Variants in OTOGL observed in about 807,000 individuals in gnomAD.
OTOGL encodes the protein otogelin like.
Under a neutral mutation model 318.5 loss-of-function variants are expected in OTOGL, and 285 were observed. That is an observed-to-expected ratio of 0.89 (90% CI 0.81 to 0.99). The LOEUF (loss-of-function observed/expected upper bound fraction) is 0.99. OTOGL is among the 50% of genes least tolerant of loss of function. OTOGL has a pLI of 0.00. For synonymous variants in OTOGL, 987 were observed against 936.5 expected, an observed-to-expected ratio of 1.05 and a Z score of -0.99; for missense variants, 2,899 against 2,845.6, an observed-to-expected ratio of 1.02 and a Z score of -0.43.
At chr12:80,134,289 T>G (rs1320877153) in intron 1 of OTOGL, among the ~76,000 whole-genome samples, 1 of 152,200 alleles carries the variant, frequency 6.6e-6, no homozygotes, top group East Asian at 1.9e-4. Flanking sequence ...TTTAGCAAAA[T>G]TCTATGCATC....
chr12:80,255,042 C>G lies in OTOGL; in HGVS notation c.1444C>G (p.Gln482Glu). 7.0e-7 allele frequency: 1 copy of G among 1,422,490 alleles called. No homozygotes were observed. The highest frequency in any genetic ancestry group is 1.9e-4 in the Middle Eastern group (1 of 5,370). The allele number at this position is 1,422,490 out of a possible 1,614,324, so 88.1% of individuals were successfully genotyped here. The change falls in exon 16 of 59, where the codon CAA (glutamine) becomes GAA (glutamate). Residue 482 changes from glutamine to glutamate, a missense_variant and splice_region_variant. Gln to Glu is a conservative substitution (Grantham distance 29). Around this residue, in one of 3 missense-constraint regions of OTOGL, gnomAD observed 2,607 missense variants for 2,524.9 expected, o/e 1.03. Transcript: ENST00000547103. ...WNCTEQDCPV[Q>E]CSVVGDSHFT... is the part of the protein sequence containing the mutation. ...TGTTTTCTTTTTTTTTTTGGCAGTTCAATGCTCAGTTGTAGGTGATTCTCA... is the reference window on the plus strand; with the variant it reads ...TGTTTTCTTTTTTTTTTTGGCAGTTGAATGCTCAGTTGTAGGTGATTCTCA...
At chr12:80,341,875 A>G in intron 43 of OTOGL, 73 bp from the exon 44 acceptor site, 1 of 983,554 alleles carries the variant, frequency 1.0e-6, no homozygotes, top group Non-Finnish European at 1.5e-6. Context: ...AAAATCAATT[A>G]TTTAACTGAT....
At position 80,380,194 on chromosome 12, in the gene OTOGL, G is replaced by A. The variant is rs1292776466; in HGVS notation, c.*2146G>A. On this transcript the variant is annotated 3_prime_UTR_variant, in exon 59 of 59. Transcript: ENST00000547103. ...AAGATAGGAGTTACAAAAGAAAATA[G>A]GGAAGAAATCTTAGATTGGGGAGAG... 6.6e-6 allele frequency: 1 copy of A among 152,028 alleles called. No individual in the cohort carries two copies. The highest frequency in any genetic ancestry group is 1.5e-5 in the Non-Finnish European group (1 of 67,888). The allele number at this position is 152,028 out of a possible 1,614,324, so 9.4% of individuals were successfully genotyped here.
chr12:80,234,956 T>A (rs1197746327), intron 9 of OTOGL, among the ~76,000 whole-genome samples: 2 of 152,182 alleles, frequency 1.3e-5, no homozygotes, highest in Admixed American at 1.3e-4. Flanking sequence ...TGTATAGTAC[T>A]GGGATCATCT....
chr12:80,142,651 T>C (rs1340003470), intron 1 of OTOGL, among the ~76,000 whole-genome samples: 1 of 152,122 alleles, frequency 6.6e-6, no homozygotes, highest in Non-Finnish European at 1.5e-5. Context: ...GAAAGCCAAC[T>C]CTCATTCATT....
intron 28 of OTOGL, among the ~76,000 whole-genome samples, chr12:80,305,231 A>C (rs902268611): frequency 6.6e-6 from 1 of 152,214 alleles, no homozygotes; most frequent in Non-Finnish European, 1.5e-5. Context: ...CTGTGTATAC[A>C]CACATATACA....
intron 44 of OTOGL, among the ~76,000 whole-genome samples, chr12:80,349,879 A>G (rs1889434566): frequency 6.6e-6 from 1 of 152,242 alleles, no homozygotes; most frequent in Non-Finnish European, 1.5e-5. Flanking sequence ...ACATTGTGGA[A>G]TGATGAAATC....
intron 23 of OTOGL, among the ~76,000 whole-genome samples, 190 bp from the exon 24 acceptor site, chr12:80,271,458 A>G (rs992822845): frequency 2.0e-5 from 3 of 152,144 alleles, no homozygotes; most frequent in Non-Finnish European, 4.4e-5. Context: ...ATATGTATGA[A>G]TTAATAAAAA....
chr12:80,308,336 G>A (rs1300987976), intron 29 of OTOGL, among the ~76,000 whole-genome samples: 2,047 of 151,468 alleles, frequency 0.014, 32 homozygotes, highest in African/African-American at 0.046. Context: ...CAGACGGGGC[G>A]TCCGGGCAGA....
At chr12:80,115,840 G>T (rs1870126314) in intron 1 of OTOGL, among the ~76,000 whole-genome samples, 1 of 152,160 alleles carries the variant, frequency 6.6e-6, no homozygotes, top group African/African-American at 2.4e-5. Flanking sequence ...TGGTGGCTTT[G>T]TTTACACTGT....
Position 80,257,307 on chromosome 12 carries a change from GT to G in OTOGL, c.1712-505del, listed in dbSNP as rs372794623. Among the ~76,000 whole-genome samples the G allele has an allele frequency of 2.0e-3, 295 of 147,594 alleles. 3 individuals carry two copies. Among genetic ancestry groups the G allele is most frequent in the African/African-American group, 6.9e-3 (276 of 40,244 alleles). ...GTTTTTAAGGAGGTTTTAAGGTGAA[GT>G]TTTTTTTTTTTTGGTACATGACTAT... is the stretch of plus-strand genomic sequence containing the variant. On this transcript the variant is annotated intron_variant, in intron 17 of 58. Coordinates refer to ENST00000547103, the MANE Select transcript of OTOGL (RefSeq NM_001378609.3).
At chr12:80,175,946 T>C (rs865984018) in intron 1 of OTOGL, among the ~76,000 whole-genome samples, 5 of 152,204 alleles carry the variant, frequency 3.3e-5, no homozygotes, top group African/African-American at 1.2e-4. Flanking sequence ...ACAGATAGGA[T>C]TTTAAACAGT....
chr12:80,191,504 A>C (rs1366526818), intron 1 of OTOGL, among the ~76,000 whole-genome samples: 1 of 152,232 alleles, frequency 6.6e-6, no homozygotes, highest in Non-Finnish European at 1.5e-5. Context: ...GGCAGAGACG[A>C]GCTAAGTGAA....
Position 80,265,121 on chromosome 12 carries a change from C to T in OTOGL, c.2135C>T (p.Ser712Phe). 1 of 1,613,890 alleles carries T rather than the reference C, an allele frequency of 6.2e-7. No homozygotes were observed. Among genetic ancestry groups the T allele is most frequent in the Non-Finnish European group, 8.5e-7 (1 of 1,179,860 alleles). The change falls in exon 20 of 59, where the codon TCC becomes TTC. Residue 712 changes from serine to phenylalanine, a missense_variant. Ser to Phe is a radical substitution (Grantham distance 155). This residue lies in a region of OTOGL where 2,607 missense variants were observed against 2,524.9 expected (regional missense o/e 1.03). Transcript: ENST00000547103. ...CRHDACKCGS[S>F]CLCNALAHYA... is the part of the protein sequence containing the mutation. ...CACGATGCATGCAAGTGTGGAAGCT[C>T]CTGCCTGTGCAATGCTCTTGCCCAC...
chr12:80,146,636 T>A (rs367761813), intron 1 of OTOGL, among the ~76,000 whole-genome samples: 1 of 151,948 alleles, frequency 6.6e-6, no homozygotes, highest in African/African-American at 2.4e-5. Context: ...AGGAATGGTA[T>A]CAGTTCCTCC....
At chr12:80,154,901 G>A (rs1303436284) in intron 1 of OTOGL, among the ~76,000 whole-genome samples, 1 of 152,182 alleles carries the variant, frequency 6.6e-6, no homozygotes, top group Non-Finnish European at 1.5e-5. Flanking sequence ...CCCACCACCA[G>A]TGAATGAAAG....
At chr12:80,328,323 A>G (rs2137873866) in intron 35 of OTOGL, among the ~76,000 whole-genome samples, 1 of 128,388 alleles carries the variant, frequency 7.8e-6, no homozygotes, top group South Asian at 2.3e-4. Flanking sequence ...TGTCACAAAC[A>G]ACAACAACAA....
At position 80,255,028 on chromosome 12, in the gene OTOGL, T is replaced by C; in HGVS notation, c.1442-12T>C. On this transcript the variant is annotated splice_polypyrimidine_tract_variant and intron_variant, in intron 15 of 58. Transcript: ENST00000547103. ...CTTTTCTTTTTCTTTGTTTTCTTTTTTTTTTTGGCAGTTCAATGCTCAGTT... is the reference window on the plus strand; with the variant it reads ...CTTTTCTTTTTCTTTGTTTTCTTTTCTTTTTTGGCAGTTCAATGCTCAGTT... The C allele has an allele frequency of 1.4e-6, 2 of 1,436,714 alleles. No homozygotes were observed. The highest frequency in any genetic ancestry group is 2.7e-5 in the East Asian group (1 of 37,660). 89.0% of individuals were successfully genotyped at this position (1,436,714 alleles called of 1,614,324 possible).
chr12:80,372,102 T>C, intron 57 of OTOGL, 38 bp downstream of exon 57: 1 of 1,380,954 alleles, frequency 7.2e-7, no homozygotes. Context: ...ACTTGATAGA[T>C]TAGTTTTAAT....
Sources: allele counts gnomAD v4.1 joint callset (sites outside exome capture counted in the v4.1 genomes callset), GRCh38; gene constraint gnomAD v4.1.1; regional missense constraint gnomAD v4.1.1; transcripts MANE v1.5; gene names NCBI Gene and HGNC (gene_info 2026-07-23, HGNC 2026-07-21).